Variants in ADK observed in about 807,000 individuals in gnomAD.
ADK encodes the protein N6,N6-dimethyladenosine kinase.
ADK carries 24 observed loss-of-function variants against 44.7 expected under a neutral mutation model. The observed-to-expected ratio is 0.54, with a 90% confidence interval of 0.39 to 0.76. The LOEUF is 0.76. Among genes scored for constraint, ADK ranks in the 30% least tolerant of loss-of-function variants. The pLI is 0.00. For missense variants in ADK, 321 were observed against 425.1 expected, an observed-to-expected ratio of 0.76 and a Z score of 2.15; for synonymous variants, 128 against 142.6, an observed-to-expected ratio of 0.90 and a Z score of 0.73.
At chr10:74,280,617 C>T (rs1846899815) in intron 3 of ADK, among the ~76,000 whole-genome samples, 1 of 152,130 alleles carries the variant, frequency 6.6e-6, no homozygotes, top group Admixed American at 6.5e-5. Context: ...GTAGAGATTC[C>T]TAATGCCACC....
In ADK at chr10:74,565,074, A is replaced by G. The variant is rs540071936; in HGVS notation, c.727-24208A>G. 1.5e-4 allele frequency among the ~76,000 whole-genome samples: 23 copies of G among 152,338 alleles called. No individual in the cohort carries two copies. In the East Asian group the frequency reaches 4.4e-3, roughly 29 times the overall value. On this transcript the variant is annotated intron_variant, in intron 7 of 10. Coordinates refer to ENST00000539909, the MANE Select transcript of ADK (RefSeq NM_006721.4). Reference sequence around the variant, plus strand: ...TATTCTGTGCCCAAAGGCCCTGAGAAAATTGCTAAGTATTAGTAACATGGA... The same window carrying G: ...TATTCTGTGCCCAAAGGCCCTGAGAGAATTGCTAAGTATTAGTAACATGGA...
At chr10:74,402,251 G>T (rs1389641080) in intron 6 of ADK, among the ~76,000 whole-genome samples, 2 of 151,994 alleles carry the variant, frequency 1.3e-5, no homozygotes, top group African/African-American at 4.8e-5. Flanking sequence ...TATCTTTGTG[G>T]TGTTCTCTGT....
At chr10:74,361,619 T>C (rs78845712) in intron 4 of ADK, among the ~76,000 whole-genome samples, 2,721 of 152,344 alleles carry the variant, frequency 0.018, 68 homozygotes, top group African/African-American at 0.052. Flanking sequence ...TTAATAGTTT[T>C]GTCTTTTAGT....
intron 1 of ADK, among the ~76,000 whole-genome samples, chr10:74,192,367 A>G (rs1842982737): frequency 6.6e-6 from 1 of 152,018 alleles, no homozygotes; most frequent in Non-Finnish European, 1.5e-5. Context: ...AGCTGGGATT[A>G]CAGGCGCACA....
intron 6 of ADK, among the ~76,000 whole-genome samples, chr10:74,461,501 A>G (rs1846171640): frequency 6.6e-6 from 1 of 152,110 alleles, no homozygotes; most frequent in Admixed American, 6.5e-5. Flanking sequence ...TCTCAGTACT[A>G]ATACTAATAT....
chr10:74,695,472 ATG>A (rs66502036), intron 10 of ADK, among the ~76,000 whole-genome samples: 38,916 of 148,178 alleles, frequency 0.26, 6,198 homozygotes, highest in East Asian at 0.64. Flanking sequence ...GTATATATAT[ATG>A]TGTGTGTGTG....
intron 6 of ADK, among the ~76,000 whole-genome samples, chr10:74,400,562 G>C (rs1843670658): frequency 6.6e-6 from 1 of 152,192 alleles, no homozygotes; most frequent in Non-Finnish European, 1.5e-5. Context: ...ATTCCGAAAT[G>C]ATGTGTAGTC....
intron 10 of ADK, among the ~76,000 whole-genome samples, chr10:74,671,037 T>TAAAAA (rs1206305658): frequency 2.0e-4 from 2 of 10,176 alleles, no homozygotes; most frequent in Non-Finnish European, 3.5e-4. Flanking sequence ...CCAGGTTAAT[T>TAAAAA]TAAAAAAAAA....
chr10:74,433,922 C>G (rs1845092486), intron 6 of ADK, among the ~76,000 whole-genome samples: 1 of 152,002 alleles, frequency 6.6e-6, no homozygotes, highest in Non-Finnish European at 1.5e-5. Flanking sequence ...GTTACAGATA[C>G]ATTAATTAGA....
chr10:74,452,936 C>A (rs1845824245), intron 6 of ADK, among the ~76,000 whole-genome samples: 1 of 151,904 alleles, frequency 6.6e-6, no homozygotes, highest in African/African-American at 2.4e-5. Context: ...AAAATAAGAA[C>A]AACTTATATA....
intron 9 of ADK, among the ~76,000 whole-genome samples, chr10:74,668,887 A>G (rs1855068373): frequency 6.6e-6 from 1 of 151,952 alleles, no homozygotes; most frequent in South Asian, 2.1e-4. Context: ...CCCCCCAAAA[A>G]AAAGCAAAAA....
chr10:74,405,158 C>T (rs1843871047), intron 6 of ADK, among the ~76,000 whole-genome samples: 1 of 152,050 alleles, frequency 6.6e-6, no homozygotes, highest in South Asian at 2.1e-4. Flanking sequence ...TTATTAATCT[C>T]ATCAAATAAA....
chr10:74,170,799 C>CAAAAAAAA (rs938297412), intron 1 of ADK, among the ~76,000 whole-genome samples: 1 of 52,868 alleles, frequency 1.9e-5, no homozygotes, highest in Non-Finnish European at 4.0e-5. Context: ...GACTCCATCT[C>CAAAAAAAA]AAAAAAAAAA....
chr10:74,176,804 C>G lies in ADK; in HGVS notation c.66-23960C>G. The G allele has an allele frequency of 2.5e-6, 4 of 1,599,196 alleles. No homozygotes were observed. The South Asian group carries it at 4.4e-5, about 18-fold the overall frequency. On this transcript the variant is annotated intron_variant, in intron 1 of 10. Transcript: ENST00000539909. ...AGCCGGGAAGCAGTTGCTGTGGTACCTGCTGCTGCCCGAGCGGACGTAGAG... is the reference window on the plus strand; with the variant it reads ...AGCCGGGAAGCAGTTGCTGTGGTACGTGCTGCTGCCCGAGCGGACGTAGAG...
In ADK at chr10:74,448,768, G is replaced by A. The variant is rs115225279; in HGVS notation, c.555+50189G>A. 1.6e-3 allele frequency among the ~76,000 whole-genome samples: 237 copies of A among 151,790 alleles called. 1 individual carries two copies. Among genetic ancestry groups the A allele is most frequent in the African/African-American group, 5.3e-3 (218 of 41,398 alleles). ...CCTATTTAGGTTTATACCAGTTCTCGCTTATATACAAGATGTATACTTGTG... is the reference window on the plus strand; with the variant it reads ...CCTATTTAGGTTTATACCAGTTCTCACTTATATACAAGATGTATACTTGTG... On this transcript the variant is annotated intron_variant, in intron 6 of 10. Coordinates refer to ENST00000539909, the MANE Select transcript of ADK (RefSeq NM_006721.4).
chr10:74,206,467 C>G (rs1843601034), intron 2 of ADK, among the ~76,000 whole-genome samples: 1 of 152,164 alleles, frequency 6.6e-6, no homozygotes, highest in African/African-American at 2.4e-5. Flanking sequence ...CTGGATAAAA[C>G]TGTTTTCAGA....
intron 4 of ADK, among the ~76,000 whole-genome samples, chr10:74,323,626 A>G (rs1023197981): frequency 1.0e-4 from 15 of 149,486 alleles, no homozygotes; most frequent in African/African-American, 3.7e-4. Flanking sequence ...GCTGGAGTGC[A>G]GTGGCGCGAT....
intron 3 of ADK, among the ~76,000 whole-genome samples, chr10:74,271,933 A>G (rs2132411672): frequency 6.6e-6 from 1 of 152,248 alleles, no homozygotes; most frequent in African/African-American, 2.4e-5. Flanking sequence ...TTTTCTGAGT[A>G]GAAACCAACT....
intron 6 of ADK, among the ~76,000 whole-genome samples, chr10:74,455,547 G>A (rs557296622): frequency 7.2e-4 from 109 of 151,772 alleles, no homozygotes; most frequent in African/African-American, 2.5e-3. Flanking sequence ...GTCTCACTCC[G>A]TCACCAGGCT....
Sources: gnomAD v4.1 joint callset for allele counts (sites outside exome capture counted in the v4.1 genomes callset) on GRCh38, gnomAD v4.1.1 for gene constraint, MANE v1.5 for transcripts, NCBI Gene and HGNC (gene_info 2026-07-23, HGNC 2026-07-21) for gene names.